Variants in SPAG16 observed in about 807,000 individuals in gnomAD.
The protein encoded by SPAG16 is sperm-associated antigen 16 protein.
A neutral mutation model predicts 80.4 loss-of-function variants in SPAG16; 86 were observed. That is an observed-to-expected ratio of 1.07 (90% CI 0.90 to 1.28). The LOEUF is 1.28. Among genes scored for constraint, SPAG16 ranks in the 50% most tolerant of loss-of-function variants. The pLI, the probability that SPAG16 is intolerant of heterozygous loss-of-function variation, is 0.00. For synonymous variants in SPAG16, 294 were observed against 265.9 expected (o/e 1.11, Z -1.03); for missense variants, 870 against 765.3 (o/e 1.14, Z -1.61).
rs2070548754 is a variant in SPAG16, at chr2:213,435,150, G to C, written c.943-54813G>C. Among the ~76,000 whole-genome samples the C allele has an allele frequency of 2.0e-5, 3 of 152,158 alleles. No homozygotes were observed. In the South Asian group the frequency reaches 6.2e-4, roughly 31 times the overall value. On this transcript the variant is annotated intron_variant, in intron 9 of 15. Coordinates refer to ENST00000331683, the MANE Select transcript of SPAG16 (RefSeq NM_024532.5). ...CTATGGAATACTATTCAGCCATAAA[G>C]AATGAAATTGTGTCTCTTGTAGCAA...
rs534536065 is a variant in SPAG16, at chr2:213,437,558, A to G, written c.943-52405A>G. Among the ~76,000 whole-genome samples the G allele has an allele frequency of 5.5e-4, 84 of 152,308 alleles. 1 individual carries two copies. The highest frequency in any genetic ancestry group is 1.9e-3 in the African/African-American group (78 of 41,574). On this transcript the variant is annotated intron_variant, in intron 9 of 15. Coordinates refer to ENST00000331683, the MANE Select transcript of SPAG16 (RefSeq NM_024532.5). ...CACTTATTTCAACACAAATTCAGCC[A>G]TTATAGGGGTGACTTCAATGCCCTC...
chr2:214,038,286 G>T (rs933905948), intron 13 of SPAG16, among the ~76,000 whole-genome samples: 1 of 151,854 alleles, frequency 6.6e-6, no homozygotes, highest in Non-Finnish European at 1.5e-5. Context: ...TTTCTGTGTT[G>T]TTTGCATTTT....
chr2:213,738,927 G>C (rs1245018106), intron 10 of SPAG16, among the ~76,000 whole-genome samples: 1 of 152,148 alleles, frequency 6.6e-6, no homozygotes, highest in African/African-American at 2.4e-5. Context: ...AGGTAGCCAC[G>C]TTACAGAGAG....
intron 6 of SPAG16, among the ~76,000 whole-genome samples, chr2:213,342,299 C>T (rs1293482870): frequency 1.4e-5 from 2 of 144,624 alleles, no homozygotes; most frequent in East Asian, 2.0e-4. Flanking sequence ...ATATATATGA[C>T]ATATGTGTAT....
intron 11 of SPAG16, among the ~76,000 whole-genome samples, chr2:213,904,211 A>T (rs1161379444): frequency 6.6e-6 from 1 of 152,166 alleles, no homozygotes; most frequent in Non-Finnish European, 1.5e-5. Flanking sequence ...CACTCTACTG[A>T]TACCAATTTA....
chr2:213,764,663 C>A lies in SPAG16; in HGVS notation c.1071-97822C>A, dbSNP rs572601328. On this transcript the variant is annotated intron_variant, in intron 10 of 15. Transcript: ENST00000331683. ...CTGGTGTTACTATCTTGAATCAAAGCAAAATATTTACTACTACTGAGAGAA... is the reference window on the plus strand; with the variant it reads ...CTGGTGTTACTATCTTGAATCAAAGAAAAATATTTACTACTACTGAGAGAA... Among the ~76,000 whole-genome samples the A allele has an allele frequency of 4.6e-5, 7 of 151,992 alleles. No individual in the cohort carries two copies. In the South Asian group the frequency reaches 1.5e-3, roughly 32 times the overall value.
At chr2:213,841,363 T>C (rs532302467) in intron 10 of SPAG16, among the ~76,000 whole-genome samples, 3 of 152,214 alleles carry the variant, frequency 2.0e-5, no homozygotes, top group Non-Finnish European at 4.4e-5. Flanking sequence ...GGGTTTCATA[T>C]TCATGTTAGA....
chr2:214,202,585 C>G (rs1211802131), intron 15 of SPAG16, among the ~76,000 whole-genome samples: 3 of 152,114 alleles, frequency 2.0e-5, no homozygotes, highest in Admixed American at 1.3e-4. Context: ...AAGATTGAAG[C>G]CCCAAAATCC....
At chr2:214,044,085 C>G (rs2049180216) in intron 13 of SPAG16, among the ~76,000 whole-genome samples, 1 of 151,908 alleles carries the variant, frequency 6.6e-6, no homozygotes, top group Admixed American at 6.6e-5. Flanking sequence ...GATTATTCCC[C>G]AAAGGTCTTG....
intron 14 of SPAG16, among the ~76,000 whole-genome samples, chr2:214,130,995 T>A (rs1009134759): frequency 4.6e-5 from 7 of 152,178 alleles, no homozygotes; most frequent in Admixed American, 4.6e-4. Flanking sequence ...TGCATCGTAT[T>A]TGGCAGCCAG....
chr2:213,756,778 T>TTA (rs1553624221), intron 10 of SPAG16, among the ~76,000 whole-genome samples: 3 of 150,072 alleles, frequency 2.0e-5, no homozygotes, highest in East Asian at 3.9e-4. Flanking sequence ...AGTTTTTTTT[T>TTA]ATATGAAGAA....
chr2:213,600,497 T>C (rs2061025558), intron 10 of SPAG16, among the ~76,000 whole-genome samples: 1 of 152,222 alleles, frequency 6.6e-6, no homozygotes, highest in Admixed American at 6.5e-5. Flanking sequence ...ATGTTCCTAG[T>C]ATTGTGGTAG....
chr2:213,712,411 A>G (rs1304230195), intron 10 of SPAG16, among the ~76,000 whole-genome samples: 2 of 152,178 alleles, frequency 1.3e-5, no homozygotes, highest in Non-Finnish European at 2.9e-5. Flanking sequence ...CTACCCATAT[A>G]AGATACTTAA....
chr2:214,017,912 G>A (rs538266435), intron 13 of SPAG16, among the ~76,000 whole-genome samples: 3 of 152,034 alleles, frequency 2.0e-5, no homozygotes, highest in East Asian at 1.9e-4. Context: ...TAGAAAAAAG[G>A]CTCTAAAATA....
intron 15 of SPAG16, among the ~76,000 whole-genome samples, chr2:214,298,249 T>C (rs189372264): frequency 2.0e-5 from 3 of 151,978 alleles, no homozygotes; most frequent in South Asian, 2.1e-4. Flanking sequence ...AATGTTATTG[T>C]TGTATAGAAA....
At chr2:213,544,373 A>G (rs1384646756) in intron 10 of SPAG16, among the ~76,000 whole-genome samples, 1 of 152,084 alleles carries the variant, frequency 6.6e-6, no homozygotes, top group Non-Finnish European at 1.5e-5. Flanking sequence ...TAATTTTAAG[A>G]GCAGTTTTAG....
intron 10 of SPAG16, among the ~76,000 whole-genome samples, chr2:213,620,356 G>T (rs1197385271): frequency 7.8e-6 from 1 of 127,626 alleles, no homozygotes; most frequent in Non-Finnish European, 1.6e-5. Context: ...GCAGTGGCAC[G>T]ATCTCCGCTC....
intron 15 of SPAG16, among the ~76,000 whole-genome samples, chr2:214,221,939 GA>G (rs902555635): frequency 4.0e-5 from 6 of 150,412 alleles, no homozygotes; most frequent in African/African-American, 1.5e-4. Flanking sequence ...ACTGCCAATT[GA>G]AAAAAAACAT....
chr2:214,391,786 G>A (rs1176735682), intron 15 of SPAG16, among the ~76,000 whole-genome samples: 1 of 152,160 alleles, frequency 6.6e-6, no homozygotes, highest in Non-Finnish European at 1.5e-5. Flanking sequence ...TAAGAATGAA[G>A]TTTGGATCTG....
Sources: allele counts gnomAD v4.1 joint callset (sites outside exome capture counted in the v4.1 genomes callset), GRCh38; gene constraint gnomAD v4.1.1; transcripts MANE v1.5; gene names NCBI Gene and HGNC (gene_info 2026-07-23, HGNC 2026-07-21).